The following WDR72 variants were observed in gnomAD, a reference collection of about 807,000 sequenced individuals.
WDR72 encodes WD repeat domain 72.
In WDR72, 120 loss-of-function variants were observed where a neutral mutation model predicts 124.2. The observed-to-expected ratio is 0.97, with a 90% confidence interval of 0.83 to 1.12. The LOEUF (loss-of-function observed/expected upper bound fraction) is 1.12, where lower values mean the gene tolerates loss of function less well. WDR72 is among the 50% of genes most tolerant of loss of function. WDR72 has a pLI of 0.00. For missense variants in WDR72, 1,387 were observed against 1,278.8 expected (o/e 1.08, Z -1.29); for synonymous variants, 452 against 441.7 (o/e 1.02, Z -0.29).
intron 18 of WDR72, among the ~76,000 whole-genome samples, chr15:53,551,058 C>T (rs1258242543): frequency 6.6e-6 from 1 of 151,988 alleles, no homozygotes; most frequent in African/African-American, 2.4e-5. Flanking sequence ...TAAACTAAGA[C>T]CTGAAAAATG....
At chr15:53,753,279 G>A (rs1334419566) in intron 1 of WDR72, among the ~76,000 whole-genome samples, 1 of 152,164 alleles carries the variant, frequency 6.6e-6, no homozygotes, top group African/African-American at 2.4e-5. Context: ...TACTCCCATA[G>A]GCAGAAATAC....
chr15:53,632,495 C>T (rs75575317), intron 14 of WDR72, among the ~76,000 whole-genome samples: 2,075 of 152,154 alleles, frequency 0.014, 40 homozygotes, highest in East Asian at 0.078. Context: ...GGGGTTGAAG[C>T]CCCTACATCT....
At chr15:53,573,563 G>A (rs1410684898) in intron 18 of WDR72, among the ~76,000 whole-genome samples, 4 of 139,862 alleles carry the variant, frequency 2.9e-5, no homozygotes, top group Non-Finnish European at 6.1e-5. Context: ...TTTTTTTTTC[G>A]GAGACGGAGT....
chr15:53,714,839 T>G (rs561401525), intron 5 of WDR72, among the ~76,000 whole-genome samples: 1 of 152,158 alleles, frequency 6.6e-6, no homozygotes, highest in African/African-American at 2.4e-5. Flanking sequence ...AGAAACTGAA[T>G]TATCAATACT....
chr15:53,674,715 A>C (rs577644710), intron 13 of WDR72, among the ~76,000 whole-genome samples: 29 of 152,352 alleles, frequency 1.9e-4, no homozygotes, highest in Admixed American at 1.6e-3. Context: ...ATATGATAAC[A>C]AACTTAGATT....
At chr15:53,745,958 T>A (rs1347689856) in intron 1 of WDR72, among the ~76,000 whole-genome samples, 2 of 152,220 alleles carry the variant, frequency 1.3e-5, no homozygotes, top group Non-Finnish European at 2.9e-5. Context: ...TCGGAAATTC[T>A]TAGGGATTTG....
In WDR72 at chr15:53,744,613, CTT is replaced by C. The variant is rs1243390123; in HGVS notation, c.-12-11454_-12-11453del. The stretch of plus-strand genomic sequence containing the variant: ...CTCTCAAATCACCAGCATGGGGACA[CTT>C]TGCAAAACTGTACATTACAGCTGGA... On this transcript the variant is annotated intron_variant, in intron 1 of 19. Coordinates refer to ENST00000360509, the MANE Select transcript of WDR72 (RefSeq NM_182758.4). Among the ~76,000 whole-genome samples the C allele has an allele frequency of 2.0e-5, 3 of 152,336 alleles. No individual in the cohort carries two copies. The East Asian group carries it at 5.8e-4, about 29-fold the overall frequency.
chr15:53,603,794 C>T (rs971178529), intron 17 of WDR72, among the ~76,000 whole-genome samples: 2 of 152,070 alleles, frequency 1.3e-5, no homozygotes, highest in Admixed American at 1.3e-4. Flanking sequence ...AGGATCTCTA[C>T]AAGGAGAACA....
At chr15:53,584,226 C>A (rs532547012) in intron 18 of WDR72, among the ~76,000 whole-genome samples, 1 of 152,016 alleles carries the variant, frequency 6.6e-6, no homozygotes, top group South Asian at 2.1e-4. Flanking sequence ...GATTTAAAAA[C>A]TGATTCAAAG....
At chr15:53,733,942 T>C (rs979247095) in intron 1 of WDR72, among the ~76,000 whole-genome samples, 1 of 152,126 alleles carries the variant, frequency 6.6e-6, no homozygotes, top group Non-Finnish European at 1.5e-5. Flanking sequence ...TGGGAGACAA[T>C]TTAGCATTAT....
chr15:53,526,548 G>A (rs911544258), intron 18 of WDR72, among the ~76,000 whole-genome samples: 1 of 152,038 alleles, frequency 6.6e-6, no homozygotes, highest in African/African-American at 2.4e-5. Flanking sequence ...ACCTGTGAAA[G>A]TTAGCTATAG....
chr15:53,593,120 C>A (rs1417775462), intron 18 of WDR72, among the ~76,000 whole-genome samples: 1 of 152,040 alleles, frequency 6.6e-6, no homozygotes, highest in Admixed American at 6.6e-5. Context: ...CTAGACACAT[C>A]CCTACAAATA....
At position 53,595,417 on chromosome 15, in the gene WDR72, T is replaced by G. The variant is rs182059989; in HGVS notation, c.3148+1662A>C. On this transcript the variant is annotated intron_variant, in intron 18 of 19. Transcript: ENST00000360509. The stretch of plus-strand genomic sequence containing the variant: ...GCAGGAACCTCCTTATGTCTAAGAA[T>G]GTACTGGGGACAGAATTGGGCACAA... 1.9e-3 allele frequency among the ~76,000 whole-genome samples: 293 copies of G among 152,240 alleles called. 1 individual carries two copies. Among genetic ancestry groups the G allele is most frequent in the African/African-American group, 6.8e-3 (284 of 41,554 alleles).
intron 17 of WDR72, among the ~76,000 whole-genome samples, chr15:53,604,589 A>G (rs576776696): frequency 2.3e-4 from 35 of 150,734 alleles, no homozygotes; most frequent in African/African-American, 7.5e-4. Flanking sequence ...GCATCTTACG[A>G]AAGTCTAACA....
chr15:53,569,001 G>T (rs2140302732), intron 18 of WDR72, among the ~76,000 whole-genome samples: 1 of 152,048 alleles, frequency 6.6e-6, no homozygotes, highest in East Asian at 1.9e-4. Flanking sequence ...GTTTTTCTTA[G>T]AGTAATTGGG....
intron 13 of WDR72, among the ~76,000 whole-genome samples, chr15:53,691,817 A>G (rs1351278916): frequency 1.3e-5 from 2 of 152,248 alleles, no homozygotes; most frequent in East Asian, 1.9e-4. Context: ...AAGACTGCAC[A>G]TGTTAACAGT....
At chr15:53,653,575 G>A (rs1458379021) in intron 14 of WDR72, among the ~76,000 whole-genome samples, 1 of 152,138 alleles carries the variant, frequency 6.6e-6, no homozygotes, top group African/African-American at 2.4e-5. Context: ...ACCTGTAGTT[G>A]ACGTTTTTCA....
chr15:53,716,539 T>C (rs1438744800), intron 4 of WDR72, 68 bp downstream of exon 4: 8 of 993,152 alleles, frequency 8.1e-6, no homozygotes, highest in Admixed American at 1.7e-5. Context: ...TCTTTAGAAG[T>C]GTATTTGCAA....
At chr15:53,565,046 G>GA (rs1002532318) in intron 18 of WDR72, among the ~76,000 whole-genome samples, 8 of 151,670 alleles carry the variant, frequency 5.3e-5, no homozygotes, top group East Asian at 1.9e-4. Context: ...AGGTATACAG[G>GA]AAAAAAACAC....
Sources: gnomAD v4.1 joint callset for allele counts (sites outside exome capture counted in the v4.1 genomes callset) on GRCh38, gnomAD v4.1.1 for gene constraint, MANE v1.5 for transcripts, NCBI Gene and HGNC (gene_info 2026-07-23, HGNC 2026-07-21) for gene names.